The following UBASH3B variants were observed in gnomAD, a reference collection of about 807,000 sequenced individuals.
The protein encoded by UBASH3B is ubiquitin associated and SH3 domain containing B, also known as ubiquitin-associated and SH3 domain-containing protein B.
In UBASH3B, 37 loss-of-function variants were observed where a neutral mutation model predicts 83.4. That is an observed-to-expected ratio of 0.44 (90% CI 0.34 to 0.58). The LOEUF is 0.58. Ranked by LOEUF, UBASH3B falls within the 20% of genes least tolerant of loss-of-function variation. The probability of loss-of-function intolerance (pLI) is 0.01; values close to 1 mark genes in which losing one functional copy is unlikely to be tolerated. For synonymous variants in UBASH3B, 304 were observed against 318.3 expected (o/e 0.96, Z 0.48); for missense variants, 657 against 827.2 (o/e 0.79, Z 2.52).
chr11:122,768,508 G>GTGTGTGTATATATA, intron 1 of UBASH3B, among the ~76,000 whole-genome samples: 1 of 134,400 alleles, frequency 7.4e-6, no homozygotes, highest in East Asian at 2.1e-4. Flanking sequence ...GTGTGTGTGT[G>GTGTGTGTATATATA]TATATATATA....
chr11:122,724,261 A>G (rs781355926), intron 1 of UBASH3B, among the ~76,000 whole-genome samples: 9 of 152,162 alleles, frequency 5.9e-5, no homozygotes, highest in Non-Finnish European at 1.0e-4. Context: ...TCATGATGAC[A>G]CTGGTACCTA....
intron 1 of UBASH3B, among the ~76,000 whole-genome samples, chr11:122,690,283 C>CAT (rs886335245): frequency 3.4e-4 from 34 of 100,978 alleles, no homozygotes; most frequent in Non-Finnish European, 5.1e-4. Flanking sequence ...TCCAATTATA[C>CAT]ATATATATAT....
intron 1 of UBASH3B, among the ~76,000 whole-genome samples, chr11:122,682,845 C>G (rs537975957): frequency 1.8e-4 from 28 of 152,270 alleles, no homozygotes; most frequent in African/African-American, 6.7e-4. Flanking sequence ...TCTAACTTAT[C>G]CTAAGGTAGT....
At chr11:122,780,064 A>C (rs983439675) in intron 4 of UBASH3B, among the ~76,000 whole-genome samples, 2 of 152,142 alleles carry the variant, frequency 1.3e-5, no homozygotes, top group African/African-American at 4.8e-5. Context: ...CCGCCCATGT[A>C]GGTGTTTATC....
intron 1 of UBASH3B, among the ~76,000 whole-genome samples, chr11:122,669,338 G>T (rs541807070): frequency 6.6e-6 from 1 of 152,158 alleles, no homozygotes; most frequent in East Asian, 1.9e-4. Flanking sequence ...CTTCAAGTAC[G>T]TCACTCCAAG....
intron 1 of UBASH3B, among the ~76,000 whole-genome samples, chr11:122,774,479 T>G (rs1860699806): frequency 6.6e-6 from 1 of 152,216 alleles, no homozygotes; most frequent in South Asian, 2.1e-4. Flanking sequence ...CACCTGAGTT[T>G]TTCTTTGTGT....
chr11:122,697,570 C>T (rs770432120), intron 1 of UBASH3B, among the ~76,000 whole-genome samples: 3 of 152,156 alleles, frequency 2.0e-5, no homozygotes, highest in South Asian at 2.1e-4. Context: ...TGACTGAGGG[C>T]GCTAGAATTC....
chr11:122,702,772 G>T (rs550662782), intron 1 of UBASH3B, among the ~76,000 whole-genome samples: 2 of 151,904 alleles, frequency 1.3e-5, no homozygotes, highest in Non-Finnish European at 2.9e-5. Context: ...TGATCCACCC[G>T]CCTCGGCCTC....
intron 1 of UBASH3B, among the ~76,000 whole-genome samples, chr11:122,656,430 C>T (rs1355224319): frequency 6.6e-6 from 1 of 152,084 alleles, no homozygotes; most frequent in Non-Finnish European, 1.5e-5. Flanking sequence ...CCAGGGCTCG[C>T]CGTGGGATGC....
intron 1 of UBASH3B, among the ~76,000 whole-genome samples, chr11:122,706,125 T>C (rs1864116972): frequency 6.7e-6 from 1 of 149,292 alleles, no homozygotes; most frequent in East Asian, 1.9e-4. Context: ...TTTTTCTTTT[T>C]TTTTTTTTGA....
chr11:122,735,392 T>A (rs1345833039), intron 1 of UBASH3B, among the ~76,000 whole-genome samples: 1 of 152,168 alleles, frequency 6.6e-6, no homozygotes, highest in Non-Finnish European at 1.5e-5. Flanking sequence ...ACAGGCTAAA[T>A]ACACACTCTT....
chr11:122,746,843 T>C (rs1861125874), intron 1 of UBASH3B, among the ~76,000 whole-genome samples: 1 of 152,052 alleles, frequency 6.6e-6, no homozygotes, highest in African/African-American at 2.4e-5. Flanking sequence ...CTGGGAGTGA[T>C]GGATAGGTAA....
intron 1 of UBASH3B, among the ~76,000 whole-genome samples, chr11:122,744,523 G>A (rs1408228789): frequency 3.3e-5 from 5 of 152,062 alleles, no homozygotes; most frequent in East Asian, 3.9e-4. Context: ...CTATGAGCTC[G>A]TGTTGTGACT....
chr11:122,663,029 T>G (rs1863467116), intron 1 of UBASH3B, among the ~76,000 whole-genome samples: 1 of 141,534 alleles, frequency 7.1e-6, no homozygotes, highest in Non-Finnish European at 1.5e-5. Context: ...CAGGCTGGAG[T>G]GCAGTGGCAC....
rs113770794 is a variant in UBASH3B at position 122,801,282 on chromosome 11, A to G, written c.1545A>G (p.Ile515Met). The change falls in exon 11 of 14, where the codon ATA becomes ATG. Residue 515 changes from isoleucine to methionine, a missense_variant. Around this residue, in one of 3 missense-constraint regions of UBASH3B, gnomAD observed 573 missense variants for 739.0 expected, o/e 0.78. Transcript: ENST00000284273. ...WVAGSTLPAW[I>M]PPSELAAANL... Reference sequence around the variant, plus strand: ...CTGGGAGCACATTACCTGCATGGATACCTCCATCAGAGTTAGCTGCAGCCA... The same window carrying G: ...CTGGGAGCACATTACCTGCATGGATGCCTCCATCAGAGTTAGCTGCAGCCA... 14 of 1,614,142 alleles carry G rather than the reference A, an allele frequency of 8.7e-6. No homozygotes were observed. The Admixed American group carries it at 2.2e-4, about 25-fold the overall frequency.
At chr11:122,781,775 A>G (rs1356179136) in intron 4 of UBASH3B, among the ~76,000 whole-genome samples, 3 of 152,246 alleles carry the variant, frequency 2.0e-5, no homozygotes, top group Admixed American at 2.0e-4. Flanking sequence ...GAAGTGGTCA[A>G]GGGAGATTCA....
intron 1 of UBASH3B, among the ~76,000 whole-genome samples, chr11:122,715,883 G>A (rs1860517253): frequency 6.6e-6 from 1 of 152,180 alleles, no homozygotes; most frequent in Non-Finnish European, 1.5e-5. Context: ...CCTCCGCCAA[G>A]GACTAGAGGG....
chr11:122,762,334 C>A (rs1591802628), intron 1 of UBASH3B, among the ~76,000 whole-genome samples: 2 of 152,302 alleles, frequency 1.3e-5, no homozygotes, highest in South Asian at 2.1e-4. Context: ...ACTCTGCCAA[C>A]TGGGGAGTAA....
At chr11:122,742,207 G>A (rs759426025) in intron 1 of UBASH3B, among the ~76,000 whole-genome samples, 8 of 152,294 alleles carry the variant, frequency 5.3e-5, no homozygotes, top group Middle Eastern at 3.4e-3. Context: ...TGGAAGGGTC[G>A]GGAGAACCTT....
Sources: allele counts gnomAD v4.1 joint callset (sites outside exome capture counted in the v4.1 genomes callset), GRCh38; gene constraint gnomAD v4.1.1; regional missense constraint gnomAD v4.1.1; transcripts MANE v1.5; gene names NCBI Gene and HGNC (gene_info 2026-07-23, HGNC 2026-07-21).